The following MSH3 variants were observed in gnomAD, a reference collection of about 807,000 sequenced individuals.
MSH3 encodes mutS homolog 3.
Under a neutral mutation model 123.3 loss-of-function variants are expected in MSH3, and 106 were observed. The observed-to-expected ratio is 0.86, with a 90% CI of 0.73 to 1.01. The LOEUF (loss-of-function observed/expected upper bound fraction) is 1.01. MSH3 is among the 50% of genes least tolerant of loss of function. The pLI is 0.00. For synonymous variants in MSH3, 515 were observed against 481.4 expected (o/e 1.07, Z -0.91); for missense variants, 1,459 against 1,347.6 (o/e 1.08, Z -1.29).
chr5:80,784,798 G>A (rs1009292408), intron 17 of MSH3, among the ~76,000 whole-genome samples: 10 of 152,062 alleles, frequency 6.6e-5, no homozygotes, highest in South Asian at 4.1e-4. Flanking sequence ...GGTGGGAATC[G>A]TATTATTTGT....
intron 19 of MSH3, among the ~76,000 whole-genome samples, chr5:80,807,521 A>G (rs925113235): frequency 3.3e-5 from 5 of 152,212 alleles, no homozygotes; most frequent in Non-Finnish European, 7.3e-5. Flanking sequence ...TCCATAGTGA[A>G]AATTGTGAGA....
At chr5:80,770,970 C>G (rs1744204788) in intron 15 of MSH3, among the ~76,000 whole-genome samples, 2 of 152,016 alleles carry the variant, frequency 1.3e-5, no homozygotes, top group African/African-American at 4.8e-5. Flanking sequence ...TTAGGAAGAT[C>G]AGTTATCTTT....
intron 20 of MSH3, among the ~76,000 whole-genome samples, chr5:80,822,034 G>C (rs952580969): frequency 6.6e-6 from 1 of 152,170 alleles, no homozygotes; most frequent in African/African-American, 2.4e-5. Context: ...GTTTTTGATA[G>C]GTCAATAGGA....
At chr5:80,695,810 C>T (rs974148145) in intron 8 of MSH3, among the ~76,000 whole-genome samples, 1 of 152,098 alleles carries the variant, frequency 6.6e-6, no homozygotes, top group East Asian at 1.9e-4. Flanking sequence ...TGGCATCTAT[C>T]GATTGTCTTT....
chr5:80,712,865 G>A (rs1247762705), intron 8 of MSH3, among the ~76,000 whole-genome samples: 1 of 151,882 alleles, frequency 6.6e-6, no homozygotes, highest in Non-Finnish European at 1.5e-5. Flanking sequence ...GTTCCCTACT[G>A]TGAGCACTGA....
At chr5:80,691,612 G>C (rs1197128505) in intron 8 of MSH3, among the ~76,000 whole-genome samples, 1 of 150,046 alleles carries the variant, frequency 6.7e-6, no homozygotes, top group Non-Finnish European at 1.5e-5. Context: ...AATCAAAAGG[G>C]CAATGAGGTT....
At chr5:80,847,730 T>G (rs1745749257) in intron 20 of MSH3, among the ~76,000 whole-genome samples, 2 of 152,230 alleles carry the variant, frequency 1.3e-5, no homozygotes, top group Non-Finnish European at 1.5e-5. Flanking sequence ...TGAAGGTGCA[T>G]GTCTTATTTC....
chr5:80,657,457 A>G (rs1265192633), intron 2 of MSH3, among the ~76,000 whole-genome samples: 1 of 152,176 alleles, frequency 6.6e-6, no homozygotes, highest in Non-Finnish European at 1.5e-5. Context: ...AAAAACAAAC[A>G]AAAAACAGCA....
At chr5:80,843,557 T>C (rs6453528) in intron 20 of MSH3, among the ~76,000 whole-genome samples, 106,344 of 151,362 alleles carry the variant, frequency 0.7, 37,344 homozygotes, top group South Asian at 0.8. Context: ...GTTGGTGGGC[T>C]ATTAATTATT....
rs1485131981 is a variant in MSH3, at chr5:80,851,138, A to G, written c.2814-2992A>G. Among the ~76,000 whole-genome samples the G allele has an allele frequency of 2.6e-5, 4 of 152,266 alleles. No individual in the cohort carries two copies. In the East Asian group the frequency reaches 7.7e-4, roughly 29 times the overall value. On this transcript the variant is annotated intron_variant, in intron 20 of 23. Transcript: ENST00000265081. ...TATTATTGGATATTTGATTTTTTCCAGCTTTTCATTAAATAACATCAAGAA... is the reference window on the plus strand; with the variant it reads ...TATTATTGGATATTTGATTTTTTCCGGCTTTTCATTAAATAACATCAAGAA...
intron 20 of MSH3, among the ~76,000 whole-genome samples, chr5:80,833,478 C>G (rs1354981826): frequency 2.0e-5 from 3 of 152,286 alleles, no homozygotes; most frequent in South Asian, 2.1e-4. Flanking sequence ...GAGTCTCGCT[C>G]TGTCGCCAGG....
In MSH3 at chr5:80,797,885, T is replaced by A. The variant is rs181769130; in HGVS notation, c.2655+5041T>A. On this transcript the variant is annotated intron_variant, in intron 19 of 23. Coordinates refer to ENST00000265081, the MANE Select transcript of MSH3 (RefSeq NM_002439.5). ...ACCTTGTGAGGCAGCCCAGGACTGC[T>A]GCTTAGGGAAACCCCAGCGAACCCA... 2.7e-3 allele frequency among the ~76,000 whole-genome samples: 415 copies of A among 152,230 alleles called. 3 individuals carry two copies. Among genetic ancestry groups the A allele is most frequent in the African/African-American group, 9.1e-3 (380 of 41,552 alleles).
chr5:80,680,365 G>A (rs898127371), intron 8 of MSH3, among the ~76,000 whole-genome samples: 1 of 151,236 alleles, frequency 6.6e-6, no homozygotes, highest in Admixed American at 6.6e-5. Context: ...TTCTTTCGAA[G>A]TAGCTTTCAT....
intron 10 of MSH3, among the ~76,000 whole-genome samples, chr5:80,735,008 G>A (rs1743478148): frequency 6.6e-6 from 1 of 152,202 alleles, no homozygotes; most frequent in Non-Finnish European, 1.5e-5. Flanking sequence ...ATGAATGAAA[G>A]CAGAGGTCAG....
chr5:80,702,998 C>T (rs532957481), intron 8 of MSH3, among the ~76,000 whole-genome samples: 4 of 152,140 alleles, frequency 2.6e-5, no homozygotes, highest in East Asian at 3.9e-4. Flanking sequence ...GGCGACAGAG[C>T]GAGACAAGCA....
At chr5:80,711,533 G>T (rs1167340816) in intron 8 of MSH3, among the ~76,000 whole-genome samples, 1 of 152,214 alleles carries the variant, frequency 6.6e-6, no homozygotes, top group Non-Finnish European at 1.5e-5. Flanking sequence ...TTGGTTCACT[G>T]TTGGCCATGT....
chr5:80,832,434 A>G (rs1745435558), intron 20 of MSH3, among the ~76,000 whole-genome samples: 1 of 152,150 alleles, frequency 6.6e-6, no homozygotes. Flanking sequence ...AGGCTGGCCA[A>G]CATGGTGAAA....
chr5:80,696,433 C>T (rs1301485810), intron 8 of MSH3, among the ~76,000 whole-genome samples: 1 of 152,156 alleles, frequency 6.6e-6, no homozygotes. Flanking sequence ...TAAAAGTTTT[C>T]TGTCTTGCTA....
chr5:80,683,687 G>A (rs1020941432), intron 8 of MSH3, among the ~76,000 whole-genome samples: 10 of 152,186 alleles, frequency 6.6e-5, no homozygotes, highest in Middle Eastern at 3.4e-3. Flanking sequence ...CTGTTGCTGT[G>A]CAGAAGCTTT....
Sources: gnomAD v4.1 joint callset for allele counts (sites outside exome capture counted in the v4.1 genomes callset) on GRCh38, gnomAD v4.1.1 for gene constraint, MANE v1.5 for transcripts, NCBI Gene and HGNC (gene_info 2026-07-23, HGNC 2026-07-21) for gene names.